PC: variants seen among roughly 807,000 people sequenced by gnomAD.
The protein encoded by PC is pyruvate carboxylase, mitochondrial.
Under a neutral mutation model 107.8 loss-of-function variants are expected in PC, and 46 were observed. That is an observed-to-expected ratio of 0.43 (90% CI 0.34 to 0.55). The LOEUF is 0.55. PC is among the 20% of genes least tolerant of loss of function. The pLI is 0.04. For missense variants in PC, 1,241 were observed against 1,643.1 expected (o/e 0.76, Z 4.23); for synonymous variants, 662 against 684.7 (o/e 0.97, Z 0.52).
At chr11:66,949,811 A>G (rs1949395806) in intron 3 of PC, among the ~76,000 whole-genome samples, 1 of 152,212 alleles carries the variant, frequency 6.6e-6, no homozygotes, top group African/African-American at 2.4e-5. Context: ...TTCTGAATTC[A>G]TAATTTTAAC....
At chr11:66,856,438 T>C (rs1025361369) in intron 12 of PC, among the ~76,000 whole-genome samples, 1 of 151,734 alleles carries the variant, frequency 6.6e-6, no homozygotes, top group African/African-American at 2.4e-5. Flanking sequence ...GCGGGGCGCC[T>C]GCCCGGAGGC....
At chr11:66,908,444 C>T (rs1948231674) in intron 3 of PC, among the ~76,000 whole-genome samples, 1 of 152,076 alleles carries the variant, frequency 6.6e-6, no homozygotes, top group African/African-American at 2.4e-5. Flanking sequence ...AGCAGATGTT[C>T]ACATGCTTGA....
intron 3 of PC, among the ~76,000 whole-genome samples, chr11:66,942,741 G>A (rs1170547552): frequency 1.3e-5 from 2 of 152,050 alleles, no homozygotes; most frequent in Non-Finnish European, 2.9e-5. Context: ...GGCTGGGTGC[G>A]ATGGCTCACA....
At chr11:66,853,671 T>G (rs1377862202) in intron 12 of PC, among the ~76,000 whole-genome samples, 1 of 152,192 alleles carries the variant, frequency 6.6e-6, no homozygotes, top group Non-Finnish European at 1.5e-5. Flanking sequence ...GCTCAGCCTT[T>G]TTCTCCAGCA....
chr11:66,915,508 GT>G (rs1040299337), intron 3 of PC, among the ~76,000 whole-genome samples: 1 of 152,210 alleles, frequency 6.6e-6, no homozygotes, highest in African/African-American at 2.4e-5. Flanking sequence ...TCGGTAAACA[GT>G]TGTAGAGCAA....
At chr11:66,922,793 A>G (rs936269265) in intron 3 of PC, among the ~76,000 whole-genome samples, 3 of 152,202 alleles carry the variant, frequency 2.0e-5, no homozygotes, top group Admixed American at 6.6e-5. Flanking sequence ...ATGGCTCATT[A>G]GTTTCACTTC....
In PC at chr11:66,857,373, C is replaced by A. The variant is rs1307970823; in HGVS notation, c.1369-3990G>T. The A allele has an allele frequency of 2.5e-5, 5 of 198,606 alleles. No individual in the cohort carries two copies. Among genetic ancestry groups the A allele is most frequent in the Non-Finnish European group, 3.0e-5 (3 of 98,752 alleles). 12.3% of individuals were successfully genotyped at this position (198,606 alleles called of 1,614,324 possible). On this transcript the variant is annotated intron_variant, in intron 12 of 22. Coordinates refer to ENST00000393960, the MANE Select transcript of PC (RefSeq NM_001040716.2). The surrounding 1 kb of genome is among the most constrained non-coding windows in gnomAD (Gnocchi z 7.1). ...ACTCCACGGGAGGTTCGGGGGGCGC[C>A]TTCTCTGGCGGGGGAGGGTATGGCG...
At chr11:66,886,052 C>T in intron 3 of PC, among the ~76,000 whole-genome samples, 1 of 152,202 alleles carries the variant, frequency 6.6e-6, no homozygotes, top group East Asian at 1.9e-4. Context: ...CTGGCTGGGG[C>T]AGGCTGAGTG....
intron 12 of PC, among the ~76,000 whole-genome samples, chr11:66,853,807 G>A (rs551349534): frequency 1.1e-4 from 17 of 152,274 alleles, no homozygotes; most frequent in African/African-American, 3.1e-4. Context: ...GCATGCTCCC[G>A]CCTTGCTGCT....
At chr11:66,862,547 C>T (rs960314147) in intron 12 of PC, among the ~76,000 whole-genome samples, 1 of 152,182 alleles carries the variant, frequency 6.6e-6, no homozygotes, top group African/African-American at 2.4e-5. Context: ...CAGCACAGCC[C>T]GCCCTGTGGG....
intron 3 of PC, among the ~76,000 whole-genome samples, chr11:66,910,401 C>T (rs1294894255): frequency 6.6e-6 from 1 of 152,204 alleles, no homozygotes; most frequent in African/African-American, 2.4e-5. Context: ...TCTCCTCTGC[C>T]ACCCCAAATC....
intron 3 of PC, among the ~76,000 whole-genome samples, chr11:66,912,228 A>T (rs1159026967): frequency 6.6e-6 from 1 of 152,184 alleles, no homozygotes; most frequent in Non-Finnish European, 1.5e-5. Context: ...AGTTTTGCCC[A>T]CCACTGCCTT....
chr11:66,867,172 G>A (rs1396243716), intron 10 of PC, among the ~76,000 whole-genome samples: 1 of 152,170 alleles, frequency 6.6e-6, no homozygotes, highest in Non-Finnish European at 1.5e-5. Context: ...AATCCCACGA[G>A]GCCAGGAGTT....
At chr11:66,910,813 TCA>T (rs1320952438) in intron 3 of PC, among the ~76,000 whole-genome samples, 2 of 152,146 alleles carry the variant, frequency 1.3e-5, no homozygotes, top group African/African-American at 2.4e-5. Flanking sequence ...GCTGACAGTC[TCA>T]CAGTGTCCCA....
intron 3 of PC, among the ~76,000 whole-genome samples, chr11:66,902,655 C>A (rs995113391): frequency 2.0e-5 from 3 of 152,148 alleles, no homozygotes; most frequent in Non-Finnish European, 4.4e-5. Flanking sequence ...ACCTCAGCCA[C>A]TCTCCTCCAC....
chr11:66,931,831 C>G (rs1948862299), intron 3 of PC, among the ~76,000 whole-genome samples: 1 of 152,020 alleles, frequency 6.6e-6, no homozygotes, highest in Non-Finnish European at 1.5e-5. Flanking sequence ...TCCTGGCTAA[C>G]ACGGTGAAAC....
chr11:66,869,340 G>A (rs7932018), intron 9 of PC, among the ~76,000 whole-genome samples: 6,517 of 151,440 alleles, frequency 0.043, 445 homozygotes, highest in African/African-American at 0.15. Context: ...TCTCCCAGCC[G>A]CTGCTTCTGC....
At position 66,852,328 on chromosome 11, in the gene PC, GGTGTTCTTC is replaced by G; in HGVS notation, c.1825+102_1825+110del. On this transcript the variant is annotated intron_variant, in intron 15 of 22. Transcript: ENST00000393960. This position sits in a 1 kb window ranked among gnomAD's most constrained non-coding sequence, Gnocchi z 4.7. ...GTGCCTTCTTCGGTCCTTCCTCTTT[GGTGTTCTTC>G]GTGTCAGCGTCTCTAGCTTGTCCCC... 3.2e-6 allele frequency: 3 copies of G among 934,456 alleles called. No individual in the cohort carries two copies. Among genetic ancestry groups the G allele is most frequent in the Non-Finnish European group, 5.2e-6 (3 of 577,550 alleles). The allele number at this position is 934,456 out of a possible 1,614,324, so 57.9% of individuals were successfully genotyped here.
chr11:66,896,519 C>G (rs555786902), intron 3 of PC, among the ~76,000 whole-genome samples: 20 of 152,304 alleles, frequency 1.3e-4, no homozygotes, highest in African/African-American at 3.8e-4. Flanking sequence ...GAAAGAGGAG[C>G]GGGGAACAAA....
Sources: gnomAD v4.1 joint callset for allele counts (sites outside exome capture counted in the v4.1 genomes callset) on GRCh38, gnomAD v4.1.1 for gene constraint, Gnocchi (gnomAD v3.1) non-coding constraint, MANE v1.5 for transcripts, NCBI Gene and HGNC (gene_info 2026-07-23, HGNC 2026-07-21) for gene names.